The following CNTN5 variants were observed in gnomAD, a reference collection of about 807,000 sequenced individuals.
CNTN5 encodes contactin-5.
A neutral mutation model predicts 129.1 loss-of-function variants in CNTN5; 77 were observed. The ratio of observed to expected loss-of-function variants is 0.60; its 90% CI spans 0.50 to 0.72. CNTN5 has a LOEUF of 0.72. Among genes scored for constraint, CNTN5 ranks in the 30% least tolerant of loss-of-function variants. The probability of loss-of-function intolerance (pLI) is 0.00; values close to 1 mark genes in which losing one functional copy is unlikely to be tolerated. For missense variants in CNTN5, 1,478 were observed against 1,328.8 expected, an observed-to-expected ratio of 1.11 and a Z score of -1.75; for synonymous variants, 509 against 465.6, an observed-to-expected ratio of 1.09 and a Z score of -1.20.
chr11:100,127,925 T>C (rs1323766797), intron 13 of CNTN5, among the ~76,000 whole-genome samples: 1 of 151,992 alleles, frequency 6.6e-6, no homozygotes, highest in Non-Finnish European at 1.5e-5. Context: ...CCTCCCAAAG[T>C]TCTGGGATTA....
At chr11:99,889,504 A>C (rs1389607699) in intron 6 of CNTN5, among the ~76,000 whole-genome samples, 1 of 150,448 alleles carries the variant, frequency 6.6e-6, no homozygotes, top group Non-Finnish European at 1.5e-5. Flanking sequence ...ATTATTTGTT[A>C]TGTTGAAAAA....
chr11:99,986,783 T>C (rs567381376), intron 8 of CNTN5, among the ~76,000 whole-genome samples: 1 of 152,248 alleles, frequency 6.6e-6, no homozygotes, highest in South Asian at 2.1e-4. Flanking sequence ...ATAACCACCA[T>C]TATTGCAAAT....
chr11:100,308,785 G>A (rs1951410353), intron 21 of CNTN5: 1 of 999,876 alleles, frequency 1.0e-6, no homozygotes, highest in African/African-American at 1.7e-5. Context: ...AAGTTTTTGT[G>A]TCTTCCTTTC....
intron 16 of CNTN5, among the ~76,000 whole-genome samples, chr11:100,231,366 C>A (rs1939707): frequency 6.6e-6 from 1 of 151,946 alleles, no homozygotes; most frequent in Non-Finnish European, 1.5e-5. Flanking sequence ...ATAATAGAGA[C>A]AGGAAGGGGT....
At chr11:100,236,272 C>G (rs1949611975) in intron 16 of CNTN5, among the ~76,000 whole-genome samples, 1 of 152,154 alleles carries the variant, frequency 6.6e-6, no homozygotes. Flanking sequence ...TCCAGTCCTG[C>G]ACTCCCAGAG....
chr11:99,386,540 A>G (rs533810269), intron 2 of CNTN5, among the ~76,000 whole-genome samples: 111 of 151,786 alleles, frequency 7.3e-4, no homozygotes, highest in Non-Finnish European at 1.3e-3. Context: ...TCTCATGGCC[A>G]TCTTGGTTTC....
chr11:99,500,005 G>A (rs1347103151), intron 2 of CNTN5, among the ~76,000 whole-genome samples: 3 of 152,086 alleles, frequency 2.0e-5, no homozygotes, highest in African/African-American at 4.8e-5. Context: ...CAAAAAAATG[G>A]CTGGTTTCAA....
intron 1 of CNTN5, among the ~76,000 whole-genome samples, chr11:99,108,549 G>T (rs1032991343): frequency 1.3e-5 from 2 of 152,018 alleles, no homozygotes; most frequent in Admixed American, 1.3e-4. Context: ...TCCACGACAT[G>T]GTTTAGTTTT....
intron 2 of CNTN5, among the ~76,000 whole-genome samples, chr11:99,433,512 G>T (rs776317351): frequency 2.0e-5 from 3 of 151,900 alleles, no homozygotes; most frequent in African/African-American, 7.3e-5. Flanking sequence ...CTAGTAAGGT[G>T]CCTAGTATTA....
At chr11:99,296,096 C>T (rs1864378148) in intron 1 of CNTN5, among the ~76,000 whole-genome samples, 1 of 151,970 alleles carries the variant, frequency 6.6e-6, no homozygotes, top group Admixed American at 6.6e-5. Context: ...TTCATAGTGG[C>T]ATAAACAAGG....
intron 1 of CNTN5, among the ~76,000 whole-genome samples, chr11:99,069,904 CT>C (rs1331029328): frequency 6.6e-6 from 1 of 152,136 alleles, no homozygotes; most frequent in African/African-American, 2.4e-5. Context: ...AGCCCTCAGG[CT>C]TGTTTTCTGG....
At chr11:99,129,618 G>C (rs990995933) in intron 1 of CNTN5, among the ~76,000 whole-genome samples, 5 of 151,984 alleles carry the variant, frequency 3.3e-5, no homozygotes, top group African/African-American at 1.2e-4. Flanking sequence ...GAGAAACCCA[G>C]TAAGATATTC....
At chr11:99,176,640 T>C (rs1388616621) in intron 1 of CNTN5, among the ~76,000 whole-genome samples, 1 of 152,218 alleles carries the variant, frequency 6.6e-6, no homozygotes, top group Non-Finnish European at 1.5e-5. Flanking sequence ...TCATTTCCAG[T>C]GTGTCAGCAA....
rs574667978 is a variant in CNTN5, at chr11:99,528,867, C to T, written c.-70-27278C>T. Among the ~76,000 whole-genome samples the T allele has an allele frequency of 4.0e-5, 6 of 150,848 alleles. No individual in the cohort carries two copies. The South Asian group carries it at 1.3e-3, about 32-fold the overall frequency. On this transcript the variant is annotated intron_variant, in intron 2 of 24. Coordinates refer to ENST00000524871, the MANE Select transcript of CNTN5 (RefSeq NM_014361.4). Reference sequence around the variant, plus strand: ...TCACCTGAGGTCAGGAGTTCGAGAACAGCCTGACCAACATGGAGAAACCCC... The same window carrying T: ...TCACCTGAGGTCAGGAGTTCGAGAATAGCCTGACCAACATGGAGAAACCCC...
intron 2 of CNTN5, among the ~76,000 whole-genome samples, chr11:99,385,549 T>C (rs1055252223): frequency 2.6e-5 from 4 of 152,208 alleles, no homozygotes; most frequent in African/African-American, 9.7e-5. Flanking sequence ...TTAGATTGCA[T>C]AGGAATGTAA....
At chr11:99,624,844 C>T (rs1244842240) in intron 3 of CNTN5, among the ~76,000 whole-genome samples, 2 of 152,118 alleles carry the variant, frequency 1.3e-5, no homozygotes, top group Non-Finnish European at 2.9e-5. Flanking sequence ...GGCCATCAGT[C>T]AGGAAGATAG....
intron 1 of CNTN5, among the ~76,000 whole-genome samples, chr11:99,201,668 G>C (rs1197916465): frequency 6.6e-6 from 1 of 152,102 alleles, no homozygotes; most frequent in Admixed American, 6.6e-5. Flanking sequence ...AAAGTGAAAA[G>C]AGGATGGCAA....
chr11:99,487,825 A>G (rs116404415), intron 2 of CNTN5, among the ~76,000 whole-genome samples: 3 of 152,340 alleles, frequency 2.0e-5, no homozygotes, highest in African/African-American at 4.8e-5. Flanking sequence ...GCAACTTTTA[A>G]TGAGTTAAGA....
chr11:100,030,360 G>A (rs1941645558), intron 9 of CNTN5, among the ~76,000 whole-genome samples: 1 of 152,176 alleles, frequency 6.6e-6, no homozygotes, highest in African/African-American at 2.4e-5. Flanking sequence ...GGGCAGCAGA[G>A]CAAGACCTTG....
Sources: allele counts gnomAD v4.1 joint callset (sites outside exome capture counted in the v4.1 genomes callset), GRCh38; gene constraint gnomAD v4.1.1; transcripts MANE v1.5; gene names NCBI Gene and HGNC (gene_info 2026-07-23, HGNC 2026-07-21).